The following IFI44 variants were observed in gnomAD, a reference collection of about 807,000 sequenced individuals.
IFI44 encodes interferon-induced protein 44.
In IFI44, 42 loss-of-function variants were observed where a neutral mutation model predicts 45.0. That is an observed-to-expected ratio of 0.93 (90% CI 0.73 to 1.21). IFI44 has a LOEUF of 1.21. Among genes scored for constraint, IFI44 ranks in the 50% most tolerant of loss-of-function variants. The pLI, the probability that IFI44 is intolerant of heterozygous loss-of-function variation, is 0.00. For synonymous variants in IFI44, 221 were observed against 188.6 expected (o/e 1.17, Z -1.41); for missense variants, 623 against 525.8 (o/e 1.18, Z -1.81).
intron 4 of IFI44, 22 bp downstream of exon 4, chr1:78,655,231 T>C (rs759101364): frequency 6.2e-7 from 1 of 1,603,920 alleles, no homozygotes; most frequent in Admixed American, 1.7e-5. Flanking sequence ...TGAGGCCACC[T>C]AGCCTTTGCT....
At chr1:78,652,416 A>C (rs1647139160) in intron 2 of IFI44, among the ~76,000 whole-genome samples, 2 of 152,208 alleles carry the variant, frequency 1.3e-5, no homozygotes, top group African/African-American at 4.8e-5. Context: ...ATGCTTAGCC[A>C]CAGGTATCCT....
At chr1:78,653,942 A>G (rs916375801) in intron 2 of IFI44, among the ~76,000 whole-genome samples, 1 of 152,234 alleles carries the variant, frequency 6.6e-6, no homozygotes, top group Non-Finnish European at 1.5e-5. Flanking sequence ...AAACACCCAC[A>G]GCCTCAATTC....
In IFI44 at chr1:78,662,885, G is replaced by GT. The variant is rs368139253; in HGVS notation, c.1288+7_1288+8insT. On this transcript the variant is annotated splice_region_variant and intron_variant, in intron 8 of 8. Coordinates refer to ENST00000370747, the MANE Select transcript of IFI44 (RefSeq NM_006417.5). ...TTGCCTTTTGAGCAAATAGGTAGATGGTTTGGTGGTGTGGAAGCTTGGAAG... is the reference window on the plus strand; with the variant it reads ...TTGCCTTTTGAGCAAATAGGTAGATGTGTTTGGTGGTGTGGAAGCTTGGAAG... The GT allele has an allele frequency of 0.42, 679,140 of 1,612,622 alleles. 144,133 individuals carry two copies. The highest frequency in any genetic ancestry group is 0.49 in the African/African-American group (36,740 of 74,680).
At position 78,655,181 on chromosome 1, in the gene IFI44, G is replaced by A. The variant is rs910168357; in HGVS notation, c.662G>A (p.Gly221Asp). The A allele has an allele frequency of 1.2e-6, 2 of 1,613,762 alleles. No homozygotes were observed. The highest frequency in any genetic ancestry group is 1.7e-5 in the Admixed American group (1 of 59,994). ...CATGTAACGCATCAGGCTTTGGTGGGCACTAATACAACTGGGATATCTGAG... is the reference window on the plus strand; with the variant it reads ...CATGTAACGCATCAGGCTTTGGTGGACACTAATACAACTGGGATATCTGAG... ...QGHVTHQALV[G>D]TNTTGISEKY... Residue 221 changes from glycine to aspartate, a missense_variant, in exon 4 of 9, where the codon GGC becomes GAC. Coordinates refer to ENST00000370747, the MANE Select transcript of IFI44 (RefSeq NM_006417.5).
chr1:78,655,034 C>G lies in IFI44; in HGVS notation c.515C>G (p.Ser172Cys). The G allele has an allele frequency of 6.2e-7, 1 of 1,612,822 alleles. No homozygotes were observed. The highest frequency in any genetic ancestry group is 2.2e-5 in the East Asian group (1 of 44,836). Residue 172 changes from serine to cysteine, a missense_variant, in exon 4 of 9, where the codon TCT becomes TGT. Transcript: ENST00000370747. ...GVIELRKSLL[S>C]ALRTYEPYGS... The stretch of plus-strand genomic sequence containing the variant: ...AACAGGCTCAGGAAGAGCTTACTGT[C>G]TGCCTTGAGAACTTATGAACCATAT...
chr1:78,660,553 G>C lies in IFI44; in HGVS notation c.1013-1G>C. The C allele has an allele frequency of 6.2e-7, 1 of 1,608,704 alleles. No individual in the cohort carries two copies. The highest frequency in any genetic ancestry group is 8.5e-7 in the Non-Finnish European group (1 of 1,175,456). ...GATTTAAAAAATTCTGTTTGGCATAGGTGTGGTACATGTGGCTTTGCTCAC... is the reference window on the plus strand; with the variant it reads ...GATTTAAAAAATTCTGTTTGGCATACGTGTGGTACATGTGGCTTTGCTCAC... On this transcript the variant is annotated splice_acceptor_variant, in intron 6 of 8. Coordinates refer to ENST00000370747, the MANE Select transcript of IFI44 (RefSeq NM_006417.5). LOFTEE classifies it high-confidence loss of function.
chr1:78,654,279 A>G lies in IFI44; in HGVS notation c.494A>G (p.Glu165Gly). Reference protein sequence around the residue: ...LDERKIKGVIELRKSLLSALR... With the variant: ...LDERKIKGVIGLRKSLLSALR... ...GAAAGAAAGATAAAAGGGGTCATTG[A>G]GTAAGTCAATGTTTTTAAGATTCTA... The change falls in exon 3 of 9, where the codon GAG (glutamate) becomes GGG (glycine). Residue 165 changes from glutamate to glycine, a missense_variant and splice_region_variant. Transcript: ENST00000370747. 1 of 1,457,636 alleles carries G rather than the reference A, an allele frequency of 6.9e-7. No homozygotes were observed. The highest frequency in any genetic ancestry group is 2.3e-5 in the East Asian group (1 of 43,944). The allele number at this position is 1,457,636 out of a possible 1,614,324, so 90.3% of individuals were successfully genotyped here. A position where few individuals can be genotyped will look rare whatever the true frequency, so the allele number is the denominator to read the frequency against.
chr1:78,654,386 G>A (rs752900497), intron 3 of IFI44, 107 bp downstream of exon 3: 37 of 623,100 alleles, frequency 5.9e-5, no homozygotes, highest in Non-Finnish European at 1.0e-4. Context: ...CACATAACTT[G>A]TGGATCATCA....
Position 78,662,963 on chromosome 1 carries a change from C to G in IFI44, c.1288+85C>G. ...TGGATCTATTAAATACCTGGCAGCT[C>G]TCTGTCTTTTTGTGGGTTGTTGCCC... On this transcript the variant is annotated intron_variant, in intron 8 of 8. Transcript: ENST00000370747. 1.9e-6 allele frequency: 3 copies of G among 1,607,040 alleles called. No homozygotes were observed. The Middle Eastern group carries it at 5.0e-4, about 270-fold the overall frequency.
Position 78,650,558 on chromosome 1 carries a change from A to G in IFI44, c.363A>G (p.Arg121=). 2 of 1,613,688 alleles carry G rather than the reference A, an allele frequency of 1.2e-6. No individual in the cohort carries two copies. Among genetic ancestry groups the G allele is most frequent in the Non-Finnish European group, 1.7e-6 (2 of 1,179,626 alleles). Residue 121 remains arginine, a synonymous_variant, in exon 2 of 9, where the codon AGA becomes AGG. Coordinates refer to ENST00000370747, the MANE Select transcript of IFI44 (RefSeq NM_006417.5). ...PTNFQIDGRN[R]KVIMDLKTME... is the part of the protein sequence containing the mutation. ...ATTTCCAGATAGATGGAAGAAATAG[A>G]AAAGTGATTATGGACTTAAAGACAA...
At chr1:78,661,038 G>A (rs1200563543) in intron 7 of IFI44, among the ~76,000 whole-genome samples, 1 of 152,058 alleles carries the variant, frequency 6.6e-6, no homozygotes, top group African/African-American at 2.4e-5. Context: ...AAAATAACCT[G>A]TACATGTTCA....
At chr1:78,662,047 A>G (rs1647488290) in intron 7 of IFI44, among the ~76,000 whole-genome samples, 1 of 152,238 alleles carries the variant, frequency 6.6e-6, no homozygotes, top group Admixed American at 6.5e-5. Flanking sequence ...AAAGTTAATT[A>G]AAGTTATGAT....
chr1:78,655,271 G>C (rs1355741766), intron 4 of IFI44, 62 bp downstream of exon 4: 2 of 1,566,772 alleles, frequency 1.3e-6, no homozygotes, highest in East Asian at 2.2e-5. Flanking sequence ...TATTTCAAAA[G>C]CCTTTTGCAG....
intron 5 of IFI44, among the ~76,000 whole-genome samples, chr1:78,656,633 A>G (rs754442544): frequency 6.6e-6 from 1 of 151,740 alleles, no homozygotes; most frequent in Non-Finnish European, 1.5e-5. Context: ...TTTTCTTGGC[A>G]ATTTTCATAC....
At chr1:78,663,629 T>C in intron 8 of IFI44, 136 bp from the exon 9 acceptor site, 1 of 1,401,290 alleles carries the variant, frequency 7.1e-7, no homozygotes, top group Non-Finnish European at 9.3e-7. Context: ...GGTTTCCCCA[T>C]CCCTTCTCTT....
At chr1:78,656,313 A>G (rs536647324) in intron 5 of IFI44, among the ~76,000 whole-genome samples, 70 of 152,324 alleles carry the variant, frequency 4.6e-4, no homozygotes, top group African/African-American at 1.7e-3. Flanking sequence ...CTAAGTATAT[A>G]TTTTTTAAAC....
rs541020199 is a variant in IFI44 at position 78,661,403 on chromosome 1, G to A, written c.1113+749G>A. Reference sequence around the variant, plus strand: ...TTTTTGAGCCTTAGTTGAACTCACAGATGCAGAACCCATGGATACAGAAGG... The same window carrying A: ...TTTTTGAGCCTTAGTTGAACTCACAAATGCAGAACCCATGGATACAGAAGG... On this transcript the variant is annotated intron_variant, in intron 7 of 8. Coordinates refer to ENST00000370747, the MANE Select transcript of IFI44 (RefSeq NM_006417.5). 2.0e-5 allele frequency among the ~76,000 whole-genome samples: 3 copies of A among 152,060 alleles called. No individual in the cohort carries two copies. In the South Asian group the frequency reaches 6.2e-4, roughly 32 times the overall value.
Position 78,650,650 on chromosome 1 carries a change from A to T in IFI44, c.455A>T (p.Glu152Val), listed in dbSNP as rs902742721. 4.5e-6 allele frequency: 7 copies of T among 1,568,724 alleles called. No homozygotes were observed. Among genetic ancestry groups the T allele is most frequent in the Non-Finnish European group, 5.2e-6 (6 of 1,157,674 alleles). ...SIQDYEVFRC[E>V]DSLDERKIKG... ...CAGGATTATGAAGTTTTTCGATGCG[A>T]AGGTAGGTTTAATTAGATAATCCTG... Residue 152 changes from glutamate to valine, a missense_variant and splice_region_variant, in exon 2 of 9, where the codon GAA (glutamate) becomes GTA (valine). Transcript: ENST00000370747.
At chr1:78,652,529 C>G (rs868515922) in intron 2 of IFI44, among the ~76,000 whole-genome samples, 1 of 152,254 alleles carries the variant, frequency 6.6e-6, no homozygotes, top group East Asian at 1.9e-4. Flanking sequence ...AAATTAGACT[C>G]AGTCAGTTGT....
Sources: allele counts gnomAD v4.1 joint callset (sites outside exome capture counted in the v4.1 genomes callset), GRCh38; gene constraint gnomAD v4.1.1; transcripts MANE v1.5; gene names NCBI Gene and HGNC (gene_info 2026-07-23, HGNC 2026-07-21).